Variants in LAMA1 observed in about 807,000 individuals in gnomAD.
LAMA1 encodes the protein laminin subunit alpha 1, also known as laminin subunit alpha-1.
In LAMA1, 219 loss-of-function variants were observed where a neutral mutation model predicts 348.7. The observed-to-expected ratio is 0.63, with a 90% confidence interval of 0.56 to 0.70. The LOEUF (loss-of-function observed/expected upper bound fraction) is 0.70. LAMA1 is among the 30% of genes least tolerant of loss of function. LAMA1 has a pLI of 0.00. For synonymous variants in LAMA1, 1,487 were observed against 1,491.0 expected, an observed-to-expected ratio of 1.00 and a Z score of 0.06; for missense variants, 3,744 against 3,888.0, an observed-to-expected ratio of 0.96 and a Z score of 0.99.
Position 7,038,874 on chromosome 18 carries a change from C to T in LAMA1, c.1499G>A (p.Cys500Tyr), listed in dbSNP as rs1469380359. Reference protein sequence around the residue: ...YNLKEKNPRGCSECFCFGVSD... With the variant: ...YNLKEKNPRGYSECFCFGVSD... ...AACGCCAAAGCAGAAGCACTCGGAG[C>T]AGCCCCGGGGGTTTTTTTCCTTCAA... Residue 500 changes from cysteine to tyrosine, a missense_variant, in exon 11 of 63, where the codon TGC becomes TAC. Physicochemically the swap from Cys to Tyr is radical, Grantham distance 194. Coordinates refer to ENST00000389658, the MANE Select transcript of LAMA1 (RefSeq NM_005559.4). 6.2e-7 allele frequency: 1 copy of T among 1,614,084 alleles called. No individual in the cohort carries two copies. Among genetic ancestry groups the T allele is most frequent in the African/African-American group, 1.3e-5 (1 of 74,948 alleles).
chr18:6,983,029 A>C, intron 40 of LAMA1, 70 bp downstream of exon 40: 19 of 1,602,434 alleles, frequency 1.2e-5, no homozygotes, highest in Non-Finnish European at 1.6e-5. Flanking sequence ...GGGCCACTGA[A>C]TCTCTGCTCA....
intron 42 of LAMA1, among the ~76,000 whole-genome samples, 187 bp downstream of exon 42, chr18:6,980,334 G>A (rs928787573): frequency 6.6e-6 from 1 of 152,162 alleles, no homozygotes; most frequent in Non-Finnish European, 1.5e-5. Flanking sequence ...GTATTGTGAT[G>A]TTATTTTAAA....
In LAMA1 at chr18:7,034,657, C is replaced by T; in HGVS notation, c.1873G>A (p.Gly625Ser). 1 of 1,614,080 alleles carries T rather than the reference C, an allele frequency of 6.2e-7. No homozygotes were observed. The highest frequency in any genetic ancestry group is 8.5e-7 in the Non-Finnish European group (1 of 1,179,986). ...NGLTLSTQAEGLSLQPYEEYL... is the reference protein window; with the variant it reads ...NGLTLSTQAESLSLQPYEEYL... ...TCTTCATAAGGCTGCAATGACAGACCCTCAGCCTGTGTGCTTAAAGTGAGT... is the reference window on the plus strand; with the variant it reads ...TCTTCATAAGGCTGCAATGACAGACTCTCAGCCTGTGTGCTTAAAGTGAGT... The change falls in exon 14 of 63, where the codon GGT becomes AGT. Residue 625 changes from glycine to serine, a missense_variant. By Grantham distance (56) the Gly-to-Ser change is moderately conservative. Around this residue, in one of 3 missense-constraint regions of LAMA1, gnomAD observed 1,529 missense variants for 1,689.4 expected, o/e 0.91. Coordinates refer to ENST00000389658, the MANE Select transcript of LAMA1 (RefSeq NM_005559.4).
chr18:7,021,833 A>AT (rs199751950), intron 19 of LAMA1, among the ~76,000 whole-genome samples: 3,679 of 65,894 alleles, frequency 0.056, 192 homozygotes, highest in African/African-American at 0.28. Flanking sequence ...TATATAATAT[A>AT]ATAATATATT....
At chr18:6,996,062 C>T (rs1039881202) in intron 33 of LAMA1, among the ~76,000 whole-genome samples, 6 of 151,820 alleles carry the variant, frequency 4.0e-5, no homozygotes, top group Non-Finnish European at 7.4e-5. Flanking sequence ...TAGTTATATC[C>T]CTGGGACCAA....
intron 1 of LAMA1, 114 bp downstream of exon 1, chr18:7,117,546 G>A: frequency 8.9e-7 from 1 of 1,127,408 alleles, no homozygotes; most frequent in Non-Finnish European, 1.3e-6. Context: ...CTCCGAGGTG[G>A]ATCAGGATGC....
Position 7,011,388 on chromosome 18 carries a change from T to C in LAMA1, c.3599A>G (p.Asp1200Gly), listed in dbSNP as rs2057859681. Residue 1200 changes from aspartate to glycine, a missense_variant, in exon 25 of 63, where the codon GAC (aspartate) becomes GGC (glycine). Transcript: ENST00000389658. ...TTEGVYYQAP[D>G]FLLDAATVRQ... The stretch of plus-strand genomic sequence containing the variant: ...GACGGTGGCGGCATCCAGCAGGAAG[T>C]CGGGGGCCTGGTAGTAAACCCCCTC... The C allele has an allele frequency of 6.2e-7, 1 of 1,610,804 alleles. No individual in the cohort carries two copies. The highest frequency in any genetic ancestry group is 1.7e-5 in the Admixed American group (1 of 59,598).
Position 7,011,370 on chromosome 18 carries a change from G to T in LAMA1, c.3617C>A (p.Ala1206Asp), listed in dbSNP as rs372946104. ...TGCACGGATGTGCTGCCGGACGGTG[G>T]CGGCATCCAGCAGGAAGTCGGGGGC... ...YQAPDFLLDA[A>D]TVRQHIRAEP... is the part of the protein sequence containing the mutation. Residue 1206 changes from alanine to aspartate, a missense_variant, in exon 25 of 63, where the codon GCC becomes GAC. By Grantham distance (126) the Ala-to-Asp change is moderately radical. Around this residue, in one of 3 missense-constraint regions of LAMA1, gnomAD observed 1,529 missense variants for 1,689.4 expected, o/e 0.91. Coordinates refer to ENST00000389658, the MANE Select transcript of LAMA1 (RefSeq NM_005559.4). The T allele has an allele frequency of 1.6e-5, 26 of 1,611,760 alleles. No individual in the cohort carries two copies. The highest frequency in any genetic ancestry group is 3.3e-5 in the Admixed American group (2 of 59,766).
chr18:7,101,840 ATTT>A (rs34199422), intron 1 of LAMA1, among the ~76,000 whole-genome samples: 3 of 131,738 alleles, frequency 2.3e-5, no homozygotes, highest in African/African-American at 2.9e-5. Context: ...GCTAATTTCT[ATTT>A]TTTTTTTTTT....
At chr18:7,066,395 C>A (rs2058123002) in intron 3 of LAMA1, among the ~76,000 whole-genome samples, 1 of 152,162 alleles carries the variant, frequency 6.6e-6, no homozygotes, top group Admixed American at 6.5e-5. Context: ...CTTGTGACAA[C>A]TGGAACTTCT....
rs757420241 is a variant in LAMA1, at chr18:7,007,190, G to A, written c.4209C>T (p.Cys1403=). The A allele has an allele frequency of 2.5e-6, 4 of 1,614,152 alleles. No homozygotes were observed. Among genetic ancestry groups the A allele is most frequent in the Non-Finnish European group, 3.4e-6 (4 of 1,180,030 alleles). Residue 1403 remains cysteine (C), a synonymous_variant, in exon 29 of 63, where the codon TGC becomes TGT. Transcript: ENST00000389658. ...AGGTGTCACTGTGGTTGTTGCAACT[G>A]CAGGGAACACAAGGAGCAACCAGAG... ...PRPLVAPCVP[C]SCNNHSDTCD... is the part of the protein sequence containing the mutation.
intron 43 of LAMA1, 118 bp from the exon 44 acceptor site, chr18:6,977,999 G>T: frequency 1.5e-6 from 2 of 1,297,398 alleles, no homozygotes; most frequent in Non-Finnish European, 2.2e-6. Context: ...TCAAAGCCAT[G>T]ACATTGTGGT....
chr18:6,971,819 A>G, intron 48 of LAMA1, 38 bp downstream of exon 48: 1 of 1,613,478 alleles, frequency 6.2e-7, no homozygotes, highest in Non-Finnish European at 8.5e-7. Context: ...ATGTTAACAG[A>G]ATAACATACT....
At chr18:7,017,192 C>A (rs1015168322) in intron 20 of LAMA1, 86 bp downstream of exon 20, 1 of 1,018,488 alleles carries the variant, frequency 9.8e-7, no homozygotes, top group Admixed American at 2.0e-5. Flanking sequence ...CAAACTAATA[C>A]ACTTGGGGAC....
At chr18:7,006,652 G>A (rs1483309424) in intron 29 of LAMA1, among the ~76,000 whole-genome samples, 3 of 152,094 alleles carry the variant, frequency 2.0e-5, no homozygotes, top group Non-Finnish European at 4.4e-5. Flanking sequence ...AAACCTAGAT[G>A]GCACAGCCTA....
intron 3 of LAMA1, among the ~76,000 whole-genome samples, chr18:7,076,370 G>A (rs919874521): frequency 2.0e-5 from 3 of 152,198 alleles, no homozygotes; most frequent in African/African-American, 7.2e-5. Flanking sequence ...CTGATGTGAG[G>A]TGAGAGGATG....
At chr18:7,039,229 C>G (rs2058010073) in intron 10 of LAMA1, among the ~76,000 whole-genome samples, 1 of 152,064 alleles carries the variant, frequency 6.6e-6, no homozygotes, top group Admixed American at 6.5e-5. Context: ...TTTTACTGAT[C>G]TTTCCAGCAT....
intron 61 of LAMA1, among the ~76,000 whole-genome samples, chr18:6,945,626 C>T (rs1224508432): frequency 7.9e-5 from 12 of 152,154 alleles, no homozygotes; most frequent in Admixed American, 7.2e-4. Flanking sequence ...AGAGAGACAC[C>T]ATCCCTGATT....
chr18:6,987,785 T>C (rs1273761784), intron 36 of LAMA1, among the ~76,000 whole-genome samples: 3 of 152,224 alleles, frequency 2.0e-5, no homozygotes, highest in Non-Finnish European at 2.9e-5. Flanking sequence ...TCGGCACTTA[T>C]AATTTTTAAT....
Sources: gnomAD v4.1 joint callset for allele counts (sites outside exome capture counted in the v4.1 genomes callset) on GRCh38, gnomAD v4.1.1 for gene constraint, gnomAD v4.1.1 regional missense constraint, MANE v1.5 for transcripts, NCBI Gene and HGNC (gene_info 2026-07-23, HGNC 2026-07-21) for gene names.